ZC3H12B: variants seen among roughly 807,000 people sequenced by gnomAD.
ZC3H12B encodes the protein probable ribonuclease ZC3H12B.
A neutral mutation model predicts 43.9 loss-of-function variants in ZC3H12B; 7 were observed. The ratio of observed to expected loss-of-function variants is 0.16; its 90% CI spans 0.09 to 0.30. The LOEUF is 0.30. ZC3H12B is among the 10% of genes least tolerant of loss of function. ZC3H12B has a pLI of 1.00. For missense variants in ZC3H12B, 475 were observed against 670.2 expected (o/e 0.71, Z 3.22); for synonymous variants, 222 against 241.7 (o/e 0.92, Z 0.76).
At chrX:65,223,638 A>ACTAT in the ZC3H12B span, among the ~76,000 whole-genome samples, 2 of 112,403 alleles carry the variant, frequency 1.8e-5, no homozygotes, top group Non-Finnish European at 1.9e-5. Context: ...AACAAACAAT[A>ACTAT]CTATCAAAAA....
intron 3 of ZC3H12B, among the ~76,000 whole-genome samples, chrX:65,400,934 A>G (rs1057482200): frequency 9.0e-5 from 10 of 111,340 alleles, no homozygotes; most frequent in Admixed American, 6.7e-4. Context: ...TCCAAAGGTA[A>G]TGTTAGTTAT....
the ZC3H12B span, among the ~76,000 whole-genome samples, chrX:65,048,055 A>G: frequency 9.0e-6 from 1 of 110,687 alleles, no homozygotes; most frequent in Non-Finnish European, 1.9e-5. Flanking sequence ...AAAACTCTAT[A>G]CTCATTGAAC....
chrX:65,372,670 AC>A (rs906249734), intron 2 of ZC3H12B, among the ~76,000 whole-genome samples: 2 of 110,620 alleles, frequency 1.8e-5, no homozygotes, highest in Non-Finnish European at 3.8e-5. Flanking sequence ...AGGAAGGAAA[AC>A]TTTCAATTTT....
the ZC3H12B span, among the ~76,000 whole-genome samples, chrX:65,084,661 A>G: frequency 8.9e-6 from 1 of 112,777 alleles, no homozygotes; most frequent in African/African-American, 3.2e-5. Flanking sequence ...TGTTGGTGGG[A>G]ACATAAGTTA....
the ZC3H12B span, among the ~76,000 whole-genome samples, chrX:65,160,602 G>A: frequency 9.0e-6 from 1 of 111,473 alleles, no homozygotes; most frequent in East Asian, 2.8e-4. Context: ...GGGATTGGTG[G>A]TGATATCCCC....
chrX:65,039,429 A>G, the ZC3H12B span, among the ~76,000 whole-genome samples: 3 of 111,845 alleles, frequency 2.7e-5, no homozygotes, highest in African/African-American at 9.7e-5. Context: ...GAAAATGGAT[A>G]TATTTCTAAA....
At chrX:65,124,968 TG>T in the ZC3H12B span, among the ~76,000 whole-genome samples, 1 of 111,446 alleles carries the variant, frequency 9.0e-6, no homozygotes, top group Non-Finnish European at 1.9e-5. Flanking sequence ...GTAATTTTTT[TG>T]TTTTAATTTC....
At chrX:65,469,597 A>T in intron 3 of ZC3H12B, 1 of 243,995 alleles carries the variant, frequency 4.1e-6, no homozygotes, top group Non-Finnish European at 7.7e-6. Context: ...CTACTGCCTC[A>T]GCACCCAGGT....
the ZC3H12B span, among the ~76,000 whole-genome samples, chrX:65,198,310 G>C: frequency 7.2e-5 from 8 of 111,836 alleles, no homozygotes; most frequent in African/African-American, 2.6e-4. Context: ...GTGTTTTTCT[G>C]TGTACTTACT....
the ZC3H12B span, among the ~76,000 whole-genome samples, chrX:65,259,168 A>G: frequency 8.9e-6 from 1 of 112,259 alleles, no homozygotes; most frequent in Non-Finnish European, 1.9e-5. Flanking sequence ...AAACTTTACT[A>G]CAAGGCAACA....
At chrX:65,205,662 G>A in the ZC3H12B span, among the ~76,000 whole-genome samples, 1 of 111,418 alleles carries the variant, frequency 9.0e-6, no homozygotes, top group Non-Finnish European at 1.9e-5. Flanking sequence ...ACATAGTACT[G>A]GAAGTTCTAG....
intron 3 of ZC3H12B, among the ~76,000 whole-genome samples, chrX:65,409,285 GA>G (rs200909448): frequency 7.7e-5 from 8 of 103,629 alleles, no homozygotes; most frequent in Admixed American, 3.1e-4. Flanking sequence ...TTTTAAAACT[GA>G]AAAAAAAATA....
chrX:65,434,778 A>T (rs1473478784), intron 3 of ZC3H12B, among the ~76,000 whole-genome samples: 5 of 111,218 alleles, frequency 4.5e-5, no homozygotes, highest in Non-Finnish European at 9.4e-5. Context: ...TCCTGAGGAG[A>T]ATCATTGTCT....
At chrX:65,422,877 G>C (rs908179731) in intron 3 of ZC3H12B, among the ~76,000 whole-genome samples, 1 of 107,383 alleles carries the variant, frequency 9.3e-6, no homozygotes, top group South Asian at 4.1e-4. Flanking sequence ...CCTTTTTTGT[G>C]GCTGCATAGT....
intron 3 of ZC3H12B, among the ~76,000 whole-genome samples, chrX:65,476,974 A>G (rs1241814851): frequency 9.6e-6 from 1 of 103,870 alleles, no homozygotes; most frequent in Non-Finnish European, 1.9e-5. Flanking sequence ...GACATGCACC[A>G]TCACTCCTGA....
chrX:65,336,993 T>C, the ZC3H12B span, among the ~76,000 whole-genome samples: 4 of 112,344 alleles, frequency 3.6e-5, no homozygotes, highest in African/African-American at 1.3e-4. Flanking sequence ...AAGGGGGGCC[T>C]CCACCCCACT....
chrX:65,454,737 C>A (rs995488394), intron 3 of ZC3H12B, among the ~76,000 whole-genome samples: 32 of 111,596 alleles, frequency 2.9e-4, no homozygotes, highest in East Asian at 5.6e-4. Context: ...CCAGTAGGGG[C>A]AGACTGACAC....
chrX:65,408,863 C>G (rs963521390), intron 3 of ZC3H12B, among the ~76,000 whole-genome samples: 1 of 111,857 alleles, frequency 8.9e-6, no homozygotes, highest in Admixed American at 9.5e-5. Context: ...ATTTCTCGAT[C>G]TCGTTAGATT....
chrX:65,246,830 C>A, the ZC3H12B span, among the ~76,000 whole-genome samples: 4 of 112,124 alleles, frequency 3.6e-5, no homozygotes, highest in African/African-American at 1.3e-4. Context: ...CAATATCATT[C>A]AGGACATAGA....
Sources: allele counts gnomAD v4.1 joint callset (sites outside exome capture counted in the v4.1 genomes callset), GRCh38; gene constraint gnomAD v4.1.1; transcripts MANE v1.5; gene names NCBI Gene and HGNC (gene_info 2026-07-23, HGNC 2026-07-21).